Variants in G2E3 observed in about 807,000 individuals in gnomAD.
G2E3 encodes the protein G2/M phase-specific E3 ubiquitin-protein ligase.
In G2E3, 35 loss-of-function variants were observed where a neutral mutation model predicts 92.8. That is an observed-to-expected ratio of 0.38 (90% CI 0.29 to 0.50). G2E3 has a LOEUF of 0.50. G2E3 is among the 20% of genes least tolerant of loss of function. The pLI, the probability that G2E3 is intolerant of heterozygous loss-of-function variation, is 0.94. For missense variants in G2E3, 554 were observed against 823.8 expected (o/e 0.67, Z 4.01); for synonymous variants, 242 against 272.4 (o/e 0.89, Z 1.10).
intron 8 of G2E3, among the ~76,000 whole-genome samples, chr14:30,600,282 C>T (rs769663256): frequency 1.2e-4 from 18 of 152,174 alleles, no homozygotes; most frequent in Non-Finnish European, 2.5e-4. Flanking sequence ...CTCCTCATTC[C>T]TGATTCCCTA....
chr14:30,560,944 G>A (rs1879061876), intron 1 of G2E3: 3 of 616,268 alleles, frequency 4.9e-6, no homozygotes, highest in Non-Finnish European at 8.7e-6. Context: ...AGATTGCCTT[G>A]GTTTGAAGCC....
intron 12 of G2E3, among the ~76,000 whole-genome samples, chr14:30,608,454 G>C (rs78347978): frequency 0.035 from 5,282 of 152,290 alleles, 124 homozygotes; most frequent in Middle Eastern, 0.061. Flanking sequence ...TCTGAAGAGA[G>C]GAAGGATTTG....
At chr14:30,615,634 T>C in intron 14 of G2E3, 95 bp downstream of exon 14, 2 of 697,540 alleles carry the variant, frequency 2.9e-6, no homozygotes, top group Non-Finnish European at 4.5e-6. Flanking sequence ...TGCCTTTTGG[T>C]ATTAATATTA....
chr14:30,612,765 G>A (rs1882153444), intron 13 of G2E3, among the ~76,000 whole-genome samples: 1 of 152,092 alleles, frequency 6.6e-6, no homozygotes, highest in East Asian at 1.9e-4. Flanking sequence ...GCTGAGGCAG[G>A]AGAATTGCTT....
At position 30,619,373 on chromosome 14, in the gene G2E3, G is replaced by A. The variant is rs1300909284; in HGVS notation, c.*2839G>A. ...TTAGGTAAGTTTTTTCAGTGACTGT[G>A]CCTTTAGCATTCAGTCATTATAAGA... is the stretch of plus-strand genomic sequence containing the variant. On this transcript the variant is annotated 3_prime_UTR_variant, in exon 15 of 15. Transcript: ENST00000206595. 1.3e-5 allele frequency: 2 copies of A among 152,022 alleles called. No homozygotes were observed. The highest frequency in any genetic ancestry group is 4.8e-5 in the African/African-American group (2 of 41,414). The allele number at this position is 152,022 out of a possible 1,614,324, so 9.4% of individuals were successfully genotyped here.
chr14:30,590,583 A>G (rs1362818901), intron 4 of G2E3: 2 of 444,230 alleles, frequency 4.5e-6, no homozygotes, highest in Non-Finnish European at 9.0e-6. Flanking sequence ...AAGAAGGTCT[A>G]CAAGGGAAGC....
At chr14:30,590,321 G>A (rs1880932611) in intron 4 of G2E3, among the ~76,000 whole-genome samples, 1 of 151,820 alleles carries the variant, frequency 6.6e-6, no homozygotes, top group African/African-American at 2.4e-5. Flanking sequence ...AAGTTGTTTA[G>A]ACTTTGTTTT....
intron 8 of G2E3, among the ~76,000 whole-genome samples, chr14:30,600,610 C>T (rs949934055): frequency 2.0e-5 from 3 of 152,034 alleles, no homozygotes; most frequent in African/African-American, 7.2e-5. Flanking sequence ...TTCTTGTATA[C>T]CATTGGTCTC....
chr14:30,612,118 T>C, intron 12 of G2E3, 89 bp from the exon 13 acceptor site: 3 of 892,518 alleles, frequency 3.4e-6, no homozygotes, highest in Non-Finnish European at 5.4e-6. Context: ...ACTAAGAAAT[T>C]TGAGTATAAA....
chr14:30,608,831 C>A (rs764227915), intron 12 of G2E3, among the ~76,000 whole-genome samples: 14 of 152,174 alleles, frequency 9.2e-5, no homozygotes, highest in South Asian at 2.1e-4. Flanking sequence ...AAAGCATAGG[C>A]CTTAGCCAGG....
chr14:30,563,131 T>C (rs1481656308), intron 1 of G2E3, among the ~76,000 whole-genome samples: 3 of 151,178 alleles, frequency 2.0e-5, no homozygotes, highest in South Asian at 2.1e-4. Context: ...ACCGATCCTG[T>C]GGGGCTGGTC....
intron 2 of G2E3, among the ~76,000 whole-genome samples, chr14:30,583,398 C>T (rs949153329): frequency 3.9e-5 from 6 of 152,078 alleles, no homozygotes; most frequent in African/African-American, 1.4e-4. Flanking sequence ...GAAATGGAGT[C>T]ATAAAGCACT....
At chr14:30,588,424 AATTCT>A (rs1404419042) in intron 3 of G2E3, among the ~76,000 whole-genome samples, 1 of 152,092 alleles carries the variant, frequency 6.6e-6, no homozygotes, top group Non-Finnish European at 1.5e-5. Flanking sequence ...TACTGGTTAA[AATTCT>A]AATCACAAAT....
At chr14:30,581,444 C>T (rs963911561) in intron 2 of G2E3, among the ~76,000 whole-genome samples, 9 of 152,204 alleles carry the variant, frequency 5.9e-5, no homozygotes, top group African/African-American at 1.2e-4. Flanking sequence ...CAGTGGCTCA[C>T]GCCTGCAATT....
chr14:30,567,819 G>C (rs1879529383), intron 1 of G2E3, among the ~76,000 whole-genome samples: 2 of 151,788 alleles, frequency 1.3e-5, no homozygotes, highest in South Asian at 2.1e-4. Flanking sequence ...ATTTAAAGTT[G>C]TTATTTAATC....
intron 1 of G2E3, among the ~76,000 whole-genome samples, chr14:30,568,096 AT>A (rs1879545206): frequency 6.6e-6 from 1 of 151,948 alleles, no homozygotes; most frequent in South Asian, 2.1e-4. Flanking sequence ...TGGGGCTCTT[AT>A]TAGGTGGGTT....
chr14:30,607,367 T>G (rs1881878392), intron 11 of G2E3, among the ~76,000 whole-genome samples: 1 of 152,186 alleles, frequency 6.6e-6, no homozygotes, highest in Non-Finnish European at 1.5e-5. Flanking sequence ...TGTAGCCTAC[T>G]ACACACCAAG....
chr14:30,614,012 G>T (rs1214244617), intron 13 of G2E3, among the ~76,000 whole-genome samples: 2 of 151,878 alleles, frequency 1.3e-5, no homozygotes, highest in African/African-American at 4.8e-5. Flanking sequence ...TTTATTTTTA[G>T]TGATTAGTTT....
chr14:30,568,399 T>C (rs1359001762), intron 1 of G2E3, among the ~76,000 whole-genome samples: 1 of 152,114 alleles, frequency 6.6e-6, no homozygotes, highest in Non-Finnish European at 1.5e-5. Context: ...GTGTAATTCA[T>C]TTACATTTAA....
Sources: gnomAD v4.1 joint callset for allele counts (sites outside exome capture counted in the v4.1 genomes callset) on GRCh38, gnomAD v4.1.1 for gene constraint, MANE v1.5 for transcripts, NCBI Gene and HGNC (gene_info 2026-07-23, HGNC 2026-07-21) for gene names.